Variants in DOCK2 observed in about 807,000 individuals in gnomAD.
DOCK2 encodes the protein dedicator of cytokinesis protein 2.
Under a neutral mutation model 248.9 loss-of-function variants are expected in DOCK2, and 87 were observed. That is an observed-to-expected ratio of 0.35 (90% CI 0.29 to 0.42). DOCK2 has a LOEUF of 0.42. DOCK2 is among the 10% of genes least tolerant of loss of function. The pLI, the probability that DOCK2 is intolerant of heterozygous loss-of-function variation, is 1.00. For synonymous variants in DOCK2, 805 were observed against 821.6 expected, an observed-to-expected ratio of 0.98 and a Z score of 0.35; for missense variants, 1,747 against 2,300.2, an observed-to-expected ratio of 0.76 and a Z score of 4.92.
intron 25 of DOCK2, among the ~76,000 whole-genome samples, chr5:169,798,857 A>T (rs261588): frequency 0.86 from 130,146 of 152,196 alleles, 55,774 homozygotes; most frequent in East Asian, 0.98. Flanking sequence ...CTGTAGGTCC[A>T]ACTGACCTCA....
At chr5:169,991,869 C>G (rs1778218832) in intron 29 of DOCK2, among the ~76,000 whole-genome samples, 3 of 152,152 alleles carry the variant, frequency 2.0e-5, no homozygotes, top group Admixed American at 2.0e-4. Flanking sequence ...TCAGTTTCCT[C>G]TTATGTTTAA....
At chr5:170,080,421 C>A in intron 50 of DOCK2, 138 bp downstream of exon 50, 3 of 1,324,084 alleles carry the variant, frequency 2.3e-6, no homozygotes, top group Non-Finnish European at 3.1e-6. Context: ...CTGCTCATAG[C>A]CACCCACCCT....
At chr5:169,807,213 C>G (rs1237713614) in intron 26 of DOCK2, among the ~76,000 whole-genome samples, 1 of 152,102 alleles carries the variant, frequency 6.6e-6, no homozygotes, top group Non-Finnish European at 1.5e-5. Context: ...CCAGGTGATG[C>G]TAACTGTCAG....
chr5:169,825,369 C>G (rs945552379), intron 26 of DOCK2, among the ~76,000 whole-genome samples: 2 of 151,942 alleles, frequency 1.3e-5, no homozygotes, highest in Admixed American at 6.6e-5. Flanking sequence ...TGGAACCAAC[C>G]CAAATATCCA....
chr5:169,884,207 G>A (rs527855883), intron 27 of DOCK2: 8 of 220,648 alleles, frequency 3.6e-5, no homozygotes, highest in East Asian at 9.7e-5. Context: ...GCTGGTAGGC[G>A]GTTTATCAAG....
At chr5:169,704,929 A>AG (rs777624342) in intron 14 of DOCK2, among the ~76,000 whole-genome samples, 55 of 152,166 alleles carry the variant, frequency 3.6e-4, no homozygotes, top group East Asian at 1.5e-3. Flanking sequence ...TGGGAGGCCA[A>AG]GGGGGGCAGA....
At chr5:170,063,195 T>C (rs1757389505) in intron 44 of DOCK2, among the ~76,000 whole-genome samples, 1 of 151,940 alleles carries the variant, frequency 6.6e-6, no homozygotes. Flanking sequence ...TCCCTGAGAG[T>C]TGGTGCAGAG....
At chr5:169,727,413 C>G (rs2113607355) in intron 22 of DOCK2, among the ~76,000 whole-genome samples, 1 of 152,220 alleles carries the variant, frequency 6.6e-6, no homozygotes, top group African/African-American at 2.4e-5. Flanking sequence ...TTGTGCTGTA[C>G]CCACACACGA....
At chr5:169,780,740 C>T (rs1765668464) in intron 25 of DOCK2, among the ~76,000 whole-genome samples, 1 of 152,162 alleles carries the variant, frequency 6.6e-6, no homozygotes, top group Non-Finnish European at 1.5e-5. Context: ...TTGAAGAAAA[C>T]ACTACACAGT....
intron 27 of DOCK2, among the ~76,000 whole-genome samples, chr5:169,930,874 A>T (rs1775718884): frequency 6.6e-6 from 1 of 152,144 alleles, no homozygotes; most frequent in Non-Finnish European, 1.5e-5. Flanking sequence ...CATTCACAAC[A>T]AATTAGCCAT....
At chr5:169,791,843 T>C (rs1402306686) in intron 25 of DOCK2, among the ~76,000 whole-genome samples, 1 of 152,188 alleles carries the variant, frequency 6.6e-6, no homozygotes, top group Non-Finnish European at 1.5e-5. Context: ...AGGAGTTCAA[T>C]GTACATTGCA....
chr5:169,843,366 CA>C (rs1013140141), intron 27 of DOCK2, among the ~76,000 whole-genome samples: 1 of 151,852 alleles, frequency 6.6e-6, no homozygotes, highest in Non-Finnish European at 1.5e-5. Context: ...TACTAAAATA[CA>C]AAAAATTAGC....
In DOCK2 at chr5:170,011,695, A is replaced by G. The variant is rs535035972; in HGVS notation, c.3232+2949A>G. Among the ~76,000 whole-genome samples, 7 of 152,352 alleles carry G rather than the reference A, an allele frequency of 4.6e-5. No individual in the cohort carries two copies. The South Asian group carries it at 1.4e-3, about 32-fold the overall frequency. ...GTCTGTCCCATGAGAATCAGCAGAAACATACCTGTTAGGTCTACAGGAAAG... is the reference window on the plus strand; with the variant it reads ...GTCTGTCCCATGAGAATCAGCAGAAGCATACCTGTTAGGTCTACAGGAAAG... On this transcript the variant is annotated intron_variant, in intron 32 of 51. Transcript: ENST00000520908.
At chr5:169,751,421 A>G (rs1002669311) in intron 23 of DOCK2, among the ~76,000 whole-genome samples, 17 of 152,200 alleles carry the variant, frequency 1.1e-4, no homozygotes, top group African/African-American at 2.9e-4. Flanking sequence ...CTGAGCCTGC[A>G]TGGGGTGTGA....
rs554655144 is a variant in DOCK2, at chr5:169,776,841, G to T, written c.2554+15216G>T. Among the ~76,000 whole-genome samples, 23 of 152,306 alleles carry T rather than the reference G, an allele frequency of 1.5e-4. No individual in the cohort carries two copies. In the East Asian group the frequency reaches 4.3e-3, roughly 28 times the overall value. On this transcript the variant is annotated intron_variant, in intron 25 of 51. Transcript: ENST00000520908. ...TTCTCCTTTGCCTTCCGCCATGATT[G>T]TAAGTTTTCTGAGGCCTCCCTAGCA...
intron 22 of DOCK2, among the ~76,000 whole-genome samples, chr5:169,746,973 GACAA>G (rs1329372844): frequency 6.6e-6 from 1 of 152,164 alleles, no homozygotes; most frequent in African/African-American, 2.4e-5. Context: ...GGGCTCATCC[GACAA>G]ACAGACAATG....
chr5:170,069,192 C>T lies in DOCK2; in HGVS notation c.4700C>T (p.Thr1567Ile), dbSNP rs1561907435. The stretch of plus-strand genomic sequence containing the variant: ...CACCCTGAGGACCAGGACAAGCTGA[C>T]CCACCTCAAGGACCTGATTGCATGG... The part of the protein sequence containing the change: ...RDHPEDQDKL[T>I]HLKDLIAWQI... The change falls in exon 46 of 52, where the codon ACC (threonine) becomes ATC (isoleucine). Residue 1567 changes from threonine to isoleucine, a missense_variant. Physicochemically the swap from Thr to Ile is moderately conservative, Grantham distance 89. Around this residue, in one of 4 missense-constraint regions of DOCK2, gnomAD observed 513 missense variants for 586.1 expected, o/e 0.88. Transcript: ENST00000520908. 1.3e-5 allele frequency: 21 copies of T among 1,614,142 alleles called. No individual in the cohort carries two copies. Among genetic ancestry groups the T allele is most frequent in the Non-Finnish European group, 1.8e-5 (21 of 1,180,000 alleles).
chr5:170,002,886 C>T (rs535543938), intron 30 of DOCK2, among the ~76,000 whole-genome samples: 1 of 152,192 alleles, frequency 6.6e-6, no homozygotes, highest in Non-Finnish European at 1.5e-5. Flanking sequence ...GTCAGCTGAG[C>T]TAGGCACTTA....
In DOCK2 at chr5:169,894,356, A is replaced by G. The variant is rs577072305; in HGVS notation, c.2799+53504A>G. Among the ~76,000 whole-genome samples the G allele has an allele frequency of 8.5e-5, 13 of 152,300 alleles. No homozygotes were observed. The South Asian group carries it at 1.0e-3, about 12-fold the overall frequency. On this transcript the variant is annotated intron_variant, in intron 27 of 51. Transcript: ENST00000520908. ...AGAGGTGCCTTGGGTGGGGGCTGGC[A>G]GGATTGGCCCACAGCATGACTTGGA... is the stretch of plus-strand genomic sequence containing the variant.
Sources: allele counts gnomAD v4.1 joint callset (sites outside exome capture counted in the v4.1 genomes callset), GRCh38; gene constraint gnomAD v4.1.1; regional missense constraint gnomAD v4.1.1; transcripts MANE v1.5; gene names NCBI Gene and HGNC (gene_info 2026-07-23, HGNC 2026-07-21).